Variants in CEP97 observed in about 807,000 individuals in gnomAD.
The protein encoded by CEP97 is centrosomal protein 97.
In CEP97, 43 loss-of-function variants were observed where a neutral mutation model predicts 73.1. The ratio of observed to expected loss-of-function variants is 0.59; its 90% confidence interval spans 0.46 to 0.76. The LOEUF (loss-of-function observed/expected upper bound fraction) is 0.76. CEP97 is among the 30% of genes least tolerant of loss of function. The pLI, the probability that CEP97 is intolerant of heterozygous loss-of-function variation, is 0.00. For synonymous variants in CEP97, 337 were observed against 370.0 expected, an observed-to-expected ratio of 0.91 and a Z score of 1.02; for missense variants, 939 against 1,014.0, an observed-to-expected ratio of 0.93 and a Z score of 1.00.
chr3:101,728,799 G>A, intron 3 of CEP97, 37 bp from the exon 4 acceptor site: 1 of 1,302,378 alleles, frequency 7.7e-7, no homozygotes. Flanking sequence ...TTTTGATTTT[G>A]TTTTCATTAA....
chr3:101,733,687 C>T (rs972862008), intron 6 of CEP97, among the ~76,000 whole-genome samples: 8 of 151,932 alleles, frequency 5.3e-5, no homozygotes, highest in Admixed American at 4.6e-4. Context: ...CCCGCCACTA[C>T]GCCCGGCTAA....
chr3:101,737,349 A>C (rs1938309837), intron 6 of CEP97, among the ~76,000 whole-genome samples: 1 of 152,224 alleles, frequency 6.6e-6, no homozygotes, highest in Admixed American at 6.5e-5. Context: ...AGAACACCAC[A>C]AAGATACTCC....
chr3:101,758,613 T>G, intron 9 of CEP97, 190 bp downstream of exon 9: 1 of 631,336 alleles, frequency 1.6e-6, no homozygotes, highest in East Asian at 2.8e-5. Flanking sequence ...TATCTCCTCA[T>G]CTCCATCCCC....
chr3:101,761,611 T>C (rs1348857737), intron 9 of CEP97, among the ~76,000 whole-genome samples: 1 of 152,132 alleles, frequency 6.6e-6, no homozygotes, highest in Non-Finnish European at 1.5e-5. Context: ...TGAACCCTGA[T>C]GTGTGACAGG....
chr3:101,764,876 A>G lies in CEP97; in HGVS notation c.1923A>G (p.Thr641=). The G allele has an allele frequency of 1.2e-6, 2 of 1,612,502 alleles. No individual in the cohort carries two copies. The highest frequency in any genetic ancestry group is 2.7e-5 in the African/African-American group (2 of 74,994). ...GGTCTCTACAGGTTTGGCAACAGAC[A>G]GTGGACCAGCGTCTAAGTTCCTGGC... The part of the protein sequence containing the change: ...QVRSLQVWQQ[T]VDQRLSSWHT... The change falls in exon 11 of 11, where the codon ACA becomes ACG. Residue 641 remains threonine, a synonymous_variant. Coordinates refer to ENST00000341893, the MANE Select transcript of CEP97 (RefSeq NM_024548.4).
At chr3:101,746,010 G>GT (rs1432500550) in intron 6 of CEP97, among the ~76,000 whole-genome samples, 1 of 151,968 alleles carries the variant, frequency 6.6e-6, no homozygotes, top group African/African-American at 2.4e-5. Context: ...GCGGTGTTTG[G>GT]TTTTTTGTTC....
In CEP97 at chr3:101,768,805, A is replaced by G. The variant is rs1319026179; in HGVS notation, c.*3254A>G. On this transcript the variant is annotated 3_prime_UTR_variant, in exon 11 of 11. Coordinates refer to ENST00000341893, the MANE Select transcript of CEP97 (RefSeq NM_024548.4). ...CTGAGTTTGATGACATTTTATCTTC[A>G]GTTTTGTAGAACAGATGTTAAAATG... 6.6e-6 allele frequency: 1 copy of G among 152,228 alleles called. No individual in the cohort carries two copies. The allele number at this position is 152,228 out of a possible 1,614,324, so 9.4% of individuals were successfully genotyped here. A position where few individuals can be genotyped will look rare whatever the true frequency, so the allele number is the denominator to read the frequency against.
chr3:101,748,329 T>C (rs1029417358), intron 6 of CEP97, among the ~76,000 whole-genome samples: 6 of 151,990 alleles, frequency 3.9e-5, no homozygotes, highest in African/African-American at 7.3e-5. Flanking sequence ...TCAGATCTTA[T>C]AGCAGTTGAC....
Position 101,768,325 on chromosome 3 carries a change from C to T in CEP97, c.*2774C>T, listed in dbSNP as rs1381953880. The T allele has an allele frequency of 6.6e-6, 1 of 152,162 alleles. No individual in the cohort carries two copies. Among genetic ancestry groups the T allele is most frequent in the Admixed American group, 6.5e-5 (1 of 15,268 alleles). 9.4% of individuals were successfully genotyped at this position (152,162 alleles called of 1,614,324 possible). A position where few individuals can be genotyped will look rare whatever the true frequency, so the allele number is the denominator to read the frequency against. On this transcript the variant is annotated 3_prime_UTR_variant, in exon 11 of 11. Coordinates refer to ENST00000341893, the MANE Select transcript of CEP97 (RefSeq NM_024548.4). ...GTAGTCCAAAATTTTATTATGTCCT[C>T]TTAATCTTTACATTTAGTGAGTCAG...
intron 1 of CEP97, 86 bp downstream of exon 1, chr3:101,724,805 T>G (rs1937823824): frequency 7.1e-7 from 1 of 1,408,750 alleles, no homozygotes; most frequent in African/African-American, 1.4e-5. Flanking sequence ...GGTTTAGATG[T>G]GCAGTTCTGG....
chr3:101,753,499 C>T (rs1260775855), intron 6 of CEP97, among the ~76,000 whole-genome samples: 1 of 152,234 alleles, frequency 6.6e-6, no homozygotes, highest in African/African-American at 2.4e-5. Context: ...TGTGCCCTGC[C>T]CCCAGAGGTG....
chr3:101,727,482 G>A lies in CEP97; in HGVS notation c.286G>A (p.Glu96Lys), dbSNP rs1419623869. 1.2e-6 allele frequency: 2 copies of A among 1,613,740 alleles called. No individual in the cohort carries two copies. The highest frequency in any genetic ancestry group is 1.7e-6 in the Non-Finnish European group (2 of 1,179,848). ...GCCTCATAATAGCATTGGCTGTGTGGAAGGGCTAAAGGAACTAGTACATCT... is the reference window on the plus strand; with the variant it reads ...GCCTCATAATAGCATTGGCTGTGTGAAAGGGCTAAAGGAACTAGTACATCT... ...NLPHNSIGCV[E>K]GLKELVHLEW... The change falls in exon 3 of 11, where the codon GAA (glutamate) becomes AAA (lysine). Residue 96 changes from glutamate (E) to lysine (K), a missense_variant. By Grantham distance (56) the Glu-to-Lys change is moderately conservative. Transcript: ENST00000341893.
chr3:101,749,074 A>G (rs1938717373), intron 6 of CEP97, among the ~76,000 whole-genome samples: 1 of 151,978 alleles, frequency 6.6e-6, no homozygotes. Context: ...TACGTGTGCC[A>G]TGCTGGTGTG....
At chr3:101,729,089 A>C in intron 4 of CEP97, 152 bp downstream of exon 4, 1 of 602,778 alleles carries the variant, frequency 1.7e-6, no homozygotes, top group South Asian at 2.0e-5. Context: ...CATGCCTGTA[A>C]TCCCAGCACT....
intron 6 of CEP97, among the ~76,000 whole-genome samples, chr3:101,733,067 G>A (rs555742001): frequency 6.6e-6 from 1 of 152,192 alleles, no homozygotes; most frequent in South Asian, 2.1e-4. Context: ...AGGTTACAGT[G>A]AGCTATGGTT....
chr3:101,745,568 T>A (rs1938587703), intron 6 of CEP97, among the ~76,000 whole-genome samples: 1 of 151,630 alleles, frequency 6.6e-6, no homozygotes, highest in African/African-American at 2.4e-5. Flanking sequence ...ACCTAGCCAA[T>A]ATCCTTTTTT....
At chr3:101,744,585 A>G (rs558018197) in intron 6 of CEP97, among the ~76,000 whole-genome samples, 93 of 146,388 alleles carry the variant, frequency 6.4e-4, no homozygotes, top group Non-Finnish European at 1.1e-3. Context: ...CTCTGTCTCA[A>G]AAAAAAAAAA....
intron 6 of CEP97, among the ~76,000 whole-genome samples, chr3:101,734,491 G>A (rs530139997): frequency 6.6e-5 from 10 of 152,212 alleles, no homozygotes; most frequent in Admixed American, 6.5e-4. Context: ...ATGGGAGGAC[G>A]GGTGGTAGAT....
At chr3:101,743,846 AC>A in intron 6 of CEP97, among the ~76,000 whole-genome samples, 1 of 152,136 alleles carries the variant, frequency 6.6e-6, no homozygotes, top group Non-Finnish European at 1.5e-5. Context: ...TATTAAAAAT[AC>A]AAAAAAATTA....
Sources: gnomAD v4.1 joint callset for allele counts (sites outside exome capture counted in the v4.1 genomes callset) on GRCh38, gnomAD v4.1.1 for gene constraint, MANE v1.5 for transcripts, NCBI Gene and HGNC (gene_info 2026-07-23, HGNC 2026-07-21) for gene names.